The following TENM2 variants were observed in gnomAD, a reference collection of about 807,000 sequenced individuals.
TENM2 encodes the protein teneurin transmembrane protein 2, also known as teneurin-2.
Under a neutral mutation model 245.2 loss-of-function variants are expected in TENM2, and 52 were observed. That is an observed-to-expected ratio of 0.21 (90% CI 0.17 to 0.27). The LOEUF is 0.27. TENM2 is among the 10% of genes least tolerant of loss of function. The pLI is 1.00. For missense variants in TENM2, 3,046 were observed against 3,666.8 expected (o/e 0.83, Z 4.37); for synonymous variants, 1,363 against 1,438.9 (o/e 0.95, Z 1.19).
intron 2 of TENM2, among the ~76,000 whole-genome samples, chr5:167,436,917 C>A (rs894558134): frequency 2.0e-5 from 3 of 152,194 alleles, no homozygotes; most frequent in Admixed American, 6.5e-5. Context: ...ATGGAAATGC[C>A]TGGATGCCTA....
At chr5:168,173,941 A>G (rs576217237) in intron 13 of TENM2, among the ~76,000 whole-genome samples, 1 of 152,336 alleles carries the variant, frequency 6.6e-6, no homozygotes, top group African/African-American at 2.4e-5. Flanking sequence ...GAGGCAAGGA[A>G]CAGCAATGCC....
intron 2 of TENM2, among the ~76,000 whole-genome samples, chr5:167,728,364 C>T (rs566623515): frequency 2.0e-5 from 3 of 151,982 alleles, no homozygotes; most frequent in Admixed American, 6.6e-5. Context: ...GCACTTTGGG[C>T]GTCTGAGGTG....
chr5:167,916,769 G>T (rs1029722476), intron 3 of TENM2, among the ~76,000 whole-genome samples: 2 of 152,166 alleles, frequency 1.3e-5, no homozygotes, highest in Non-Finnish European at 2.9e-5. Context: ...TCCGTGGGAG[G>T]CCTCACTTAT....
chr5:167,164,222 C>T, the TENM2 span, among the ~76,000 whole-genome samples: 1 of 152,178 alleles, frequency 6.6e-6, no homozygotes, highest in Non-Finnish European at 1.5e-5. Flanking sequence ...CTTTCTCAGT[C>T]GAGGACCAGA....
the TENM2 span, among the ~76,000 whole-genome samples, chr5:167,070,583 T>A: frequency 6.6e-6 from 1 of 152,150 alleles, no homozygotes; most frequent in Non-Finnish European, 1.5e-5. Context: ...AAGTGAATAA[T>A]CTATATAATC....
At chr5:167,977,957 C>T (rs1782564085) in intron 4 of TENM2, among the ~76,000 whole-genome samples, 1 of 152,110 alleles carries the variant, frequency 6.6e-6, no homozygotes, top group South Asian at 2.1e-4. Flanking sequence ...TGCCTTCCTC[C>T]CGGTAATGAA....
chr5:168,203,432 C>T (rs1345840391), intron 17 of TENM2, among the ~76,000 whole-genome samples: 3 of 152,166 alleles, frequency 2.0e-5, no homozygotes, highest in East Asian at 1.9e-4. Flanking sequence ...GAAAGCCAGT[C>T]GTTCATTGGA....
At chr5:167,745,596 T>C (rs531736703) in intron 2 of TENM2, among the ~76,000 whole-genome samples, 3 of 152,246 alleles carry the variant, frequency 2.0e-5, no homozygotes, top group Admixed American at 1.3e-4. Context: ...ATTTATGGAG[T>C]TGAACAACCA....
chr5:167,334,777 A>G (rs1757658793), intron 1 of TENM2, among the ~76,000 whole-genome samples: 1 of 152,228 alleles, frequency 6.6e-6, no homozygotes, highest in African/African-American at 2.4e-5. Context: ...TCTTAAAAGG[A>G]TACCAAATTG....
intron 2 of TENM2, among the ~76,000 whole-genome samples, chr5:167,685,959 CT>C (rs1757047766): frequency 6.6e-6 from 1 of 152,184 alleles, no homozygotes; most frequent in Non-Finnish European, 1.5e-5. Context: ...AGCACTACCC[CT>C]AGTGGTGGTG....
intron 2 of TENM2, among the ~76,000 whole-genome samples, chr5:167,602,028 A>G (rs1184118332): frequency 6.6e-6 from 1 of 151,864 alleles, no homozygotes; most frequent in Non-Finnish European, 1.5e-5. Context: ...TGGATAGAAA[A>G]AAAAAAAACA....
chr5:167,585,012 A>T (rs899234484), intron 2 of TENM2, among the ~76,000 whole-genome samples: 1 of 152,182 alleles, frequency 6.6e-6, no homozygotes, highest in African/African-American at 2.4e-5. Context: ...ATAACTCTTG[A>T]ATGAATGTGC....
chr5:167,905,202 G>A (rs1037134625), intron 3 of TENM2, among the ~76,000 whole-genome samples: 2 of 152,120 alleles, frequency 1.3e-5, no homozygotes, highest in African/African-American at 4.8e-5. Flanking sequence ...CTCTGTCGAT[G>A]TCTATTCCAT....
At chr5:167,977,708 A>C (rs1287789443) in intron 4 of TENM2, among the ~76,000 whole-genome samples, 1 of 152,234 alleles carries the variant, frequency 6.6e-6, no homozygotes, top group African/African-American at 2.4e-5. Context: ...GAGACTGGCA[A>C]AATGCTTACT....
chr5:168,095,465 T>C (rs1376175161), intron 8 of TENM2, among the ~76,000 whole-genome samples: 2 of 152,248 alleles, frequency 1.3e-5, no homozygotes, highest in African/African-American at 4.8e-5. Context: ...GTCACCTGCA[T>C]AGAGTAGAGA....
chr5:167,346,022 A>G (rs1475565283), intron 1 of TENM2, among the ~76,000 whole-genome samples: 10 of 152,208 alleles, frequency 6.6e-5, no homozygotes, highest in African/African-American at 2.4e-4. Flanking sequence ...ACGTGTAACG[A>G]CATTTTGCCA....
the TENM2 span, among the ~76,000 whole-genome samples, chr5:167,186,903 G>C: frequency 3.9e-5 from 6 of 152,172 alleles, no homozygotes; most frequent in African/African-American, 7.2e-5. Context: ...TCTCATTCTA[G>C]TGTATCAAAT....
chr5:168,097,617 T>C (rs1325157220), intron 8 of TENM2, among the ~76,000 whole-genome samples: 1 of 151,892 alleles, frequency 6.6e-6, no homozygotes, highest in African/African-American at 2.4e-5. Context: ...TGTGTGTGTG[T>C]GTGTGTGTAT....
At chr5:167,266,423 A>G in the TENM2 span, among the ~76,000 whole-genome samples, 2 of 152,318 alleles carry the variant, frequency 1.3e-5, no homozygotes, top group South Asian at 2.1e-4. Context: ...GAAGCTGTAC[A>G]TAGAGTGCTT....
Sources: allele counts gnomAD v4.1 joint callset (sites outside exome capture counted in the v4.1 genomes callset), GRCh38; gene constraint gnomAD v4.1.1; transcripts MANE v1.5; gene names NCBI Gene and HGNC (gene_info 2026-07-23, HGNC 2026-07-21).